Variants in SLC35E3 observed in about 807,000 individuals in gnomAD.
The protein encoded by SLC35E3 is bladder cancer-overexpressed gene 1 protein.
Under a neutral mutation model 30.8 loss-of-function variants are expected in SLC35E3, and 28 were observed. The ratio of observed to expected loss-of-function variants is 0.91; its 90% confidence interval spans 0.67 to 1.25. The LOEUF is 1.25. SLC35E3 is among the 50% of genes most tolerant of loss of function. The pLI is 0.00. For synonymous variants in SLC35E3, 146 were observed against 149.2 expected, an observed-to-expected ratio of 0.98 and a Z score of 0.16; for missense variants, 365 against 375.4, an observed-to-expected ratio of 0.97 and a Z score of 0.23.
At chr12:68,763,550 C>T (rs1041593725) in intron 4 of SLC35E3, among the ~76,000 whole-genome samples, 4 of 152,020 alleles carry the variant, frequency 2.6e-5, no homozygotes, top group African/African-American at 4.8e-5. Context: ...CCACCACGCC[C>T]GGCTAATTTT....
Position 68,746,575 on chromosome 12 carries a change from C to G in SLC35E3, c.198C>G (p.Ile66Met). The change falls in exon 1 of 5, where the codon ATC (isoleucine) becomes ATG (methionine). Residue 66 changes from isoleucine (I) to methionine (M), a missense_variant. By Grantham distance (10) the Ile-to-Met change is conservative. Transcript: ENST00000398004. ...LGLYICQKLD[I>M]FAPKSLPPSR... ...TGTATATCTGCCAGAAGCTGGACAT[C>G]TTTGCCCCCAAAAGTCTGCCGCCCT... 6.2e-7 allele frequency: 1 copy of G among 1,614,214 alleles called. No homozygotes were observed. Among genetic ancestry groups the G allele is most frequent in the African/African-American group, 1.3e-5 (1 of 75,074 alleles).
Position 68,764,791 on chromosome 12 carries a change from C to T in SLC35E3, c.843C>T (p.Ala281=). The T allele has an allele frequency of 6.2e-7, 1 of 1,614,008 alleles. No homozygotes were observed. Residue 281 remains alanine, a synonymous_variant, in exon 5 of 5, where the codon GCC becomes GCT. Transcript: ENST00000398004. The stretch of plus-strand genomic sequence containing the variant: ...AGGATCCACTGTCCATTAATCAGGC[C>T]CTTGGCATTTTATGTACATTATTTG... ...LFKDPLSINQ[A]LGILCTLFGI... is the part of the protein sequence containing the mutation.
chr12:68,752,091 G>C lies in SLC35E3; in HGVS notation c.573G>C (p.Gln191His). 2 of 1,613,680 alleles carry C rather than the reference G, an allele frequency of 1.2e-6. No homozygotes were observed. The highest frequency in any genetic ancestry group is 1.7e-6 in the Non-Finnish European group (2 of 1,179,924). Residue 191 changes from glutamine to histidine, a missense_variant, in exon 3 of 5, where the codon CAG becomes CAC. Coordinates refer to ENST00000398004, the MANE Select transcript of SLC35E3 (RefSeq NM_018656.5). ...QVNSMQLLYY[Q>H]APMSSAMLLV... ...ACTCAATGCAGCTGCTGTACTACCA[G>C]GCTCCGATGTCATCTGCCATGTTGC...
chr12:68,749,150 A>AT (rs1878701833), intron 2 of SLC35E3, among the ~76,000 whole-genome samples: 1 of 152,198 alleles, frequency 6.6e-6, no homozygotes, highest in Non-Finnish European at 1.5e-5. Context: ...CACTATGACC[A>AT]TTTTTGTTCA....
chr12:68,746,770 G>C lies in SLC35E3; in HGVS notation c.393G>C (p.Gln131His), dbSNP rs1455590736. The change falls in exon 1 of 5, where the codon CAG becomes CAC. Residue 131 changes from glutamine (Q) to histidine (H), a missense_variant. Physicochemically the swap from Gln to His is conservative, Grantham distance 24 (BLOSUM62 0). Coordinates refer to ENST00000398004, the MANE Select transcript of SLC35E3 (RefSeq NM_018656.5). Reference protein sequence around the residue: ...CYQKTFSTRIQLTLIPITLGV... With the variant: ...CYQKTFSTRIHLTLIPITLGV... ...AGAAAACCTTCTCCACCAGAATCCAGCTCACGCTGGTGAGTAGCTTCAGCT... is the reference window on the plus strand; with the variant it reads ...AGAAAACCTTCTCCACCAGAATCCACCTCACGCTGGTGAGTAGCTTCAGCT... The C allele has an allele frequency of 6.3e-7, 1 of 1,584,778 alleles. No homozygotes were observed. Among genetic ancestry groups the C allele is most frequent in the South Asian group, 1.1e-5 (1 of 88,038 alleles).
At chr12:68,750,156 A>T (rs1372714275) in intron 2 of SLC35E3, among the ~76,000 whole-genome samples, 3 of 152,142 alleles carry the variant, frequency 2.0e-5, no homozygotes. Context: ...AGAGAGAGGA[A>T]AGTAAGGCTC....
At position 68,766,236 on chromosome 12, in the gene SLC35E3, C is replaced by T. The variant is rs1173293583; in HGVS notation, c.*1346C>T. On this transcript the variant is annotated 3_prime_UTR_variant, in exon 5 of 5. Coordinates refer to ENST00000398004, the MANE Select transcript of SLC35E3 (RefSeq NM_018656.5). The stretch of plus-strand genomic sequence containing the variant: ...TCTCAGTGGCTCACACCTGTAATCC[C>T]AGCACTTTGGAAGGTTGAGGCAGGC... 1 of 151,946 alleles carries T rather than the reference C, an allele frequency of 6.6e-6. No homozygotes were observed. The highest frequency in any genetic ancestry group is 1.9e-4 in the East Asian group (1 of 5,166). The allele number at this position is 151,946 out of a possible 1,614,324, so 9.4% of individuals were successfully genotyped here. A position where few individuals can be genotyped will look rare whatever the true frequency, so the allele number is the denominator to read the frequency against.
chr12:68,769,524 T>C lies in SLC35E3; in HGVS notation c.*4634T>C, dbSNP rs1389867283. Reference sequence around the variant, plus strand: ...ATACAAAAAAATTAGCTGGGCGTGGTGGTGGATGCCTGTAATCCCAGCTAC... The same window carrying C: ...ATACAAAAAAATTAGCTGGGCGTGGCGGTGGATGCCTGTAATCCCAGCTAC... On this transcript the variant is annotated 3_prime_UTR_variant, in exon 5 of 5. Transcript: ENST00000398004. 6.6e-6 allele frequency: 1 copy of C among 151,854 alleles called. No homozygotes were observed. Among genetic ancestry groups the C allele is most frequent in the East Asian group, 1.9e-4 (1 of 5,146 alleles). The allele number at this position is 151,854 out of a possible 1,614,324, so 9.4% of individuals were successfully genotyped here. A position where few individuals can be genotyped will look rare whatever the true frequency, so the allele number is the denominator to read the frequency against.
rs776771224 is a variant in SLC35E3 at position 68,758,729 on chromosome 12, C to CT, written c.673-398dup. 6.2e-3 allele frequency among the ~76,000 whole-genome samples: 299 copies of CT among 48,424 alleles called. 64 individuals are homozygous for CT. Among genetic ancestry groups the CT allele is most frequent in the Non-Finnish European group, 8.0e-3 (226 of 28,106 alleles). 31.8% of individuals were successfully genotyped at this position (48,424 alleles called of 152,430 possible). A position where few individuals can be genotyped will look rare whatever the true frequency, so the allele number is the denominator to read the frequency against. On this transcript the variant is annotated intron_variant, in intron 3 of 4. Transcript: ENST00000398004. Reference sequence around the variant, plus strand: ...TGTCTCCCAACCCCAAATTCTCTTTCTTTTTTTTTTTTTTTTTTTTTTTTT... The same window carrying CT: ...TGTCTCCCAACCCCAAATTCTCTTTCTTTTTTTTTTTTTTTTTTTTTTTTTT...
intron 4 of SLC35E3, among the ~76,000 whole-genome samples, chr12:68,759,516 T>A (rs1051391951): frequency 1.3e-4 from 20 of 151,826 alleles, no homozygotes; most frequent in African/African-American, 4.6e-4. Context: ...CCAGCCTGGA[T>A]AACATGGTGA....
At position 68,775,849 on chromosome 12, in the gene SLC35E3, G is replaced by A. The variant is rs1363655568; in HGVS notation, c.*10959G>A. ...TGTAATCCCAGCTGCTCAGGAGGCT[G>A]AGGCAGGAGAATGGCTTGAACCCGA... is the stretch of plus-strand genomic sequence containing the variant. On this transcript the variant is annotated 3_prime_UTR_variant, in exon 5 of 5. Transcript: ENST00000398004. 1 of 149,002 alleles carries A rather than the reference G, an allele frequency of 6.7e-6. No homozygotes were observed. The highest frequency in any genetic ancestry group is 2.5e-5 in the African/African-American group (1 of 40,356). The allele number at this position is 149,002 out of a possible 1,614,324, so 9.2% of individuals were successfully genotyped here.
At chr12:68,756,890 C>T (rs914413191) in intron 3 of SLC35E3, among the ~76,000 whole-genome samples, 1 of 152,204 alleles carries the variant, frequency 6.6e-6, no homozygotes, top group African/African-American at 2.4e-5. Flanking sequence ...TGGCTGGTGC[C>T]TGTAGTCTCA....
At chr12:68,757,126 A>G (rs924046547) in intron 3 of SLC35E3, among the ~76,000 whole-genome samples, 4 of 152,224 alleles carry the variant, frequency 2.6e-5, no homozygotes, top group African/African-American at 7.2e-5. Flanking sequence ...CATACAAAGG[A>G]CATACCTTAA....
chr12:68,756,932 G>A (rs559575803), intron 3 of SLC35E3, among the ~76,000 whole-genome samples: 3 of 152,316 alleles, frequency 2.0e-5, no homozygotes, highest in South Asian at 4.1e-4. Context: ...GGAGAATGGC[G>A]TGAACCCGCG....
intron 4 of SLC35E3, among the ~76,000 whole-genome samples, chr12:68,761,068 C>G (rs947774880): frequency 1.5e-4 from 23 of 151,784 alleles, no homozygotes; most frequent in Admixed American, 2.6e-4. Context: ...GGTGCGAGGC[C>G]GTAAAAAAAC....
rs1030502645 is a variant in SLC35E3 at position 68,754,373 on chromosome 12, T to A, written c.672+2183T>A. 2.0e-5 allele frequency among the ~76,000 whole-genome samples: 3 copies of A among 152,094 alleles called. No individual in the cohort carries two copies. The South Asian group carries it at 6.3e-4, about 32-fold the overall frequency. ...ATCTCTGTTCACTGCAACCTCCACC[T>A]CCTGGGTTCAAGTGATTCTTGTGCC... On this transcript the variant is annotated intron_variant, in intron 3 of 4. Coordinates refer to ENST00000398004, the MANE Select transcript of SLC35E3 (RefSeq NM_018656.5).
In SLC35E3 at chr12:68,746,742, A is replaced by G. The variant is rs766823635; in HGVS notation, c.365A>G (p.Tyr122Cys). Residue 122 changes from tyrosine (Y) to cysteine (C), a missense_variant, in exon 1 of 5, where the codon TAC becomes TGC. Transcript: ENST00000398004. ...PVIIAIQTFCYQKTFSTRIQL... is the reference protein window; with the variant it reads ...PVIIAIQTFCCQKTFSTRIQL... Reference sequence around the variant, plus strand: ...ATCATAGCCATCCAGACCTTCTGCTACCAGAAAACCTTCTCCACCAGAATC... The same window carrying G: ...ATCATAGCCATCCAGACCTTCTGCTGCCAGAAAACCTTCTCCACCAGAATC... 7.8e-5 allele frequency: 125 copies of G among 1,599,932 alleles called. No individual in the cohort carries two copies. The highest frequency in any genetic ancestry group is 1.0e-4 in the Non-Finnish European group (120 of 1,171,246).
intron 2 of SLC35E3, 85 bp downstream of exon 2, chr12:68,748,125 A>C: frequency 1.3e-6 from 1 of 758,834 alleles, no homozygotes; most frequent in Non-Finnish European, 2.3e-6. Flanking sequence ...AAAATACAGT[A>C]TAGAGACAAT....
Position 68,777,490 on chromosome 12 carries a change from C to T in SLC35E3, c.*12600C>T, listed in dbSNP as rs755342447. The T allele has an allele frequency of 1.6e-4, 24 of 152,252 alleles. No individual in the cohort carries two copies. The highest frequency in any genetic ancestry group is 2.9e-4 in the Non-Finnish European group (20 of 68,052). The allele number at this position is 152,252 out of a possible 1,614,324, so 9.4% of individuals were successfully genotyped here. A position where few individuals can be genotyped will look rare whatever the true frequency, so the allele number is the denominator to read the frequency against. On this transcript the variant is annotated 3_prime_UTR_variant, in exon 5 of 5. Coordinates refer to ENST00000398004, the MANE Select transcript of SLC35E3 (RefSeq NM_018656.5). ...CATTCCTTCTGTCCACTCCTCTCCC[C>T]ACACTGCACTGTGTGGCCCCAGAGA...
Sources: allele counts gnomAD v4.1 joint callset (sites outside exome capture counted in the v4.1 genomes callset), GRCh38; gene constraint gnomAD v4.1.1; transcripts MANE v1.5; gene names NCBI Gene and HGNC (gene_info 2026-07-23, HGNC 2026-07-21).